Variants in ITGBL1 observed in about 807,000 individuals in gnomAD.
The protein encoded by ITGBL1 is integrin beta-like protein 1.
A neutral mutation model predicts 68.5 loss-of-function variants in ITGBL1; 51 were observed. The observed-to-expected ratio is 0.74, with a 90% CI of 0.59 to 0.94. ITGBL1 has a LOEUF of 0.94. Ranked by LOEUF, ITGBL1 falls within the 40% of genes least tolerant of loss-of-function variation. The pLI is 0.00. For synonymous variants in ITGBL1, 209 were observed against 227.3 expected (o/e 0.92, Z 0.72); for missense variants, 649 against 647.4 (o/e 1.00, Z -0.03).
At chr13:101,583,405 G>A (rs773975501) in intron 6 of ITGBL1, 49 bp downstream of exon 6, 2 of 1,170,744 alleles carry the variant, frequency 1.7e-6, no homozygotes, top group Non-Finnish European at 2.3e-6. Flanking sequence ...GGTGGGGCTT[G>A]TTAATGGGTA....
chr13:101,646,872 G>A (rs999989517), intron 7 of ITGBL1, among the ~76,000 whole-genome samples: 1 of 152,068 alleles, frequency 6.6e-6, no homozygotes, highest in African/African-American at 2.4e-5. Flanking sequence ...ATGCAAGAGA[G>A]GTTCAGTTGG....
intron 9 of ITGBL1, among the ~76,000 whole-genome samples, chr13:101,709,073 G>A (rs1002937454): frequency 1.3e-5 from 2 of 152,206 alleles, no homozygotes; most frequent in Non-Finnish European, 2.9e-5. Flanking sequence ...GATTAAGGAA[G>A]AAAAGCAGGA....
intron 7 of ITGBL1, among the ~76,000 whole-genome samples, chr13:101,603,877 T>TA (rs1309683507): frequency 6.6e-6 from 1 of 151,924 alleles, no homozygotes; most frequent in African/African-American, 2.4e-5. Context: ...ACTGTTATCT[T>TA]AAAGTGGTAA....
chr13:101,555,775 C>T (rs961456228), intron 2 of ITGBL1, among the ~76,000 whole-genome samples: 1 of 152,022 alleles, frequency 6.6e-6, no homozygotes, highest in Non-Finnish European at 1.5e-5. Flanking sequence ...GTTTTGAATT[C>T]ATCTGTTAGT....
At chr13:101,651,089 A>G (rs773933487) in intron 7 of ITGBL1, among the ~76,000 whole-genome samples, 2 of 152,184 alleles carry the variant, frequency 1.3e-5, no homozygotes, top group Non-Finnish European at 2.9e-5. Context: ...GCTATTGTGA[A>G]TAGTGCTACA....
intron 7 of ITGBL1, among the ~76,000 whole-genome samples, chr13:101,615,262 C>A (rs1002445188): frequency 1.3e-5 from 2 of 151,982 alleles, no homozygotes. Flanking sequence ...TAGGGCCCAC[C>A]CTAAATCCAG....
intron 2 of ITGBL1, among the ~76,000 whole-genome samples, chr13:101,547,520 T>C (rs1380662901): frequency 2.0e-5 from 3 of 151,878 alleles, no homozygotes; most frequent in Admixed American, 6.6e-5. Context: ...AAAAAATCTT[T>C]ATGCATGTAA....
chr13:101,598,751 C>T (rs1414534689), intron 7 of ITGBL1, among the ~76,000 whole-genome samples: 2 of 152,174 alleles, frequency 1.3e-5, no homozygotes, highest in African/African-American at 4.8e-5. Context: ...CATGTCCCTA[C>T]AAAGGACATG....
intron 7 of ITGBL1, among the ~76,000 whole-genome samples, chr13:101,671,426 G>GTGTT (rs2033357634): frequency 1.8e-5 from 2 of 112,640 alleles, no homozygotes; most frequent in African/African-American, 3.1e-5. Flanking sequence ...GTATACCTTT[G>GTGTT]TTTTTTTTTT....
chr13:101,613,054 T>C (rs1260970835), intron 7 of ITGBL1, among the ~76,000 whole-genome samples: 2 of 152,178 alleles, frequency 1.3e-5, no homozygotes, highest in Non-Finnish European at 2.9e-5. Flanking sequence ...AATGTGACTT[T>C]GTAGAGTTTT....
chr13:101,605,944 G>T lies in ITGBL1; in HGVS notation c.1015+7645G>T, dbSNP rs185297322. Among the ~76,000 whole-genome samples the T allele has an allele frequency of 1.4e-4, 20 of 146,200 alleles. No individual in the cohort carries two copies. The East Asian group carries it at 4.0e-3, about 29-fold the overall frequency. ...TATAGACATATGTATGCGTGTATGT[G>T]TATATATACACATATACACATATAT... On this transcript the variant is annotated intron_variant, in intron 7 of 10. Coordinates refer to ENST00000376180, the MANE Select transcript of ITGBL1 (RefSeq NM_004791.3).
rs1434672378 is a variant in ITGBL1 at position 101,478,942 on chromosome 13, C to T, written c.316+24842C>T. On this transcript the variant is annotated intron_variant, in intron 2 of 10. Transcript: ENST00000376180. ...ATCAAAATACCAATGACATTCTTCA[C>T]AAGAATAGAAAAAGTAATCTTAAAA... Among the ~76,000 whole-genome samples the T allele has an allele frequency of 2.6e-5, 4 of 151,964 alleles. No homozygotes were observed. The South Asian group carries it at 8.3e-4, about 32-fold the overall frequency.
At chr13:101,650,939 A>G (rs887604828) in intron 7 of ITGBL1, among the ~76,000 whole-genome samples, 1 of 152,156 alleles carries the variant, frequency 6.6e-6, no homozygotes, top group Non-Finnish European at 1.5e-5. Flanking sequence ...GCTGAGGATT[A>G]TGGATTCCAG....
intron 8 of ITGBL1, among the ~76,000 whole-genome samples, chr13:101,696,129 T>C (rs2033997209): frequency 6.6e-6 from 1 of 152,132 alleles, no homozygotes; most frequent in African/African-American, 2.4e-5. Context: ...TCCCCAATTA[T>C]ATGAGTTCAT....
intron 2 of ITGBL1, among the ~76,000 whole-genome samples, chr13:101,549,543 T>A (rs2049885608): frequency 6.6e-6 from 1 of 151,972 alleles, no homozygotes; most frequent in South Asian, 2.1e-4. Flanking sequence ...GAAAACAACA[T>A]ACAGAATTGA....
At chr13:101,719,255 C>CAACT (rs1277345616), downstream of ITGBL1, 1 of 151,958 alleles carries the variant, frequency 6.6e-6, no homozygotes, top group East Asian at 1.9e-4. Flanking sequence ...ATAAAAATAA[C>CAACT]AACTTTTAGT....
chr13:101,693,753 CT>C (rs1036984768), intron 8 of ITGBL1, among the ~76,000 whole-genome samples: 25 of 152,010 alleles, frequency 1.6e-4, no homozygotes, highest in Admixed American at 1.3e-3. Context: ...CATTTGAAAC[CT>C]GACAAAAAAA....
intron 2 of ITGBL1, among the ~76,000 whole-genome samples, chr13:101,469,373 A>T (rs957392545): frequency 6.6e-6 from 1 of 152,152 alleles, no homozygotes; most frequent in African/African-American, 2.4e-5. Context: ...TCAATATTTC[A>T]AATATCCCTG....
chr13:101,608,217 G>T (rs2030963605), intron 7 of ITGBL1, among the ~76,000 whole-genome samples: 1 of 151,890 alleles, frequency 6.6e-6, no homozygotes, highest in Admixed American at 6.6e-5. Context: ...CCTTACCTAG[G>T]AACATACTTT....
Sources: allele counts gnomAD v4.1 joint callset (sites outside exome capture counted in the v4.1 genomes callset), GRCh38; gene constraint gnomAD v4.1.1; transcripts MANE v1.5; gene names NCBI Gene and HGNC (gene_info 2026-07-23, HGNC 2026-07-21).